ZRANB3: variants seen among roughly 807,000 people sequenced by gnomAD.
ZRANB3 encodes DNA annealing helicase and endonuclease ZRANB3.
ZRANB3 carries 125 observed loss-of-function variants against 133.8 expected under a neutral mutation model. The observed-to-expected ratio is 0.93, with a 90% CI of 0.81 to 1.08. ZRANB3 has a LOEUF of 1.08. Among genes scored for constraint, ZRANB3 ranks in the 50% least tolerant of loss-of-function variants. The pLI, the probability that ZRANB3 is intolerant of heterozygous loss-of-function variation, is 0.00. For missense variants in ZRANB3, 1,229 were observed against 1,275.5 expected, an observed-to-expected ratio of 0.96 and a Z score of 0.56; for synonymous variants, 387 against 432.7, an observed-to-expected ratio of 0.89 and a Z score of 1.31.
At position 135,407,130 on chromosome 2, in the gene ZRANB3, A is replaced by G. The variant is rs1175762823; in HGVS notation, c.162-16310T>C. ...ATAGGCAACTTCAGCAAAGTCTCAG[A>G]ATACAAAATCAATGTGCAAAAATCA... On this transcript the variant is annotated intron_variant, in intron 2 of 20. Transcript: ENST00000264159. 4.9e-4 allele frequency among the ~76,000 whole-genome samples: 74 copies of G among 152,154 alleles called. 1 individual carries two copies. Among genetic ancestry groups the G allele is most frequent in the Admixed American group, 1.3e-3 (20 of 15,276 alleles).
intron 8 of ZRANB3, among the ~76,000 whole-genome samples, chr2:135,295,576 C>T (rs980047777): frequency 2.0e-5 from 3 of 152,152 alleles, no homozygotes; most frequent in South Asian, 2.1e-4. Context: ...AGCCCATTTA[C>T]ATTTAAGGTT....
intron 6 of ZRANB3, among the ~76,000 whole-genome samples, chr2:135,342,303 G>A (rs1236253313): frequency 6.7e-6 from 1 of 150,040 alleles, no homozygotes; most frequent in Non-Finnish European, 1.5e-5. Flanking sequence ...CTCCCAAAGT[G>A]CTGGGATTAT....
chr2:135,475,400 T>C (rs1358989473), intron 2 of ZRANB3, among the ~76,000 whole-genome samples: 1 of 152,214 alleles, frequency 6.6e-6, no homozygotes, highest in African/African-American at 2.4e-5. Flanking sequence ...TTCATAAATA[T>C]GTAAATAACT....
chr2:135,382,773 T>TACAG (rs1686778362), intron 3 of ZRANB3, among the ~76,000 whole-genome samples: 1 of 152,134 alleles, frequency 6.6e-6, no homozygotes, highest in African/African-American at 2.4e-5. Flanking sequence ...TAAAATCCTT[T>TACAG]ACAGACAAGC....
chr2:135,461,358 T>G (rs1342501514), intron 2 of ZRANB3, among the ~76,000 whole-genome samples: 1 of 152,114 alleles, frequency 6.6e-6, no homozygotes, highest in Admixed American at 6.6e-5. Context: ...TCACCTGAGG[T>G]TGGGAGTTCA....
chr2:135,481,125 T>C (rs927442365), intron 2 of ZRANB3, among the ~76,000 whole-genome samples: 6 of 151,950 alleles, frequency 3.9e-5, no homozygotes, highest in East Asian at 1.9e-4. Context: ...TTTGGGTATA[T>C]ACCCAGTAAT....
intron 2 of ZRANB3, among the ~76,000 whole-genome samples, chr2:135,493,121 AT>A (rs1692473551): frequency 6.8e-4 from 5 of 7,344 alleles, no homozygotes; most frequent in African/African-American, 2.3e-3. Flanking sequence ...ATATATATAT[AT>A]ATATATATAT....
At chr2:135,429,629 T>A (rs1689233860) in intron 2 of ZRANB3, among the ~76,000 whole-genome samples, 1 of 149,500 alleles carries the variant, frequency 6.7e-6, no homozygotes, top group African/African-American at 2.5e-5. Context: ...GGAAGCAGAG[T>A]CAAAGAGAGG....
chr2:135,378,852 G>C (rs1686552063), intron 3 of ZRANB3, among the ~76,000 whole-genome samples: 1 of 152,122 alleles, frequency 6.6e-6, no homozygotes, highest in Admixed American at 6.6e-5. Flanking sequence ...AACTGTAAAG[G>C]TCTTCAAAAA....
chr2:135,369,191 G>C (rs530043386), intron 3 of ZRANB3, among the ~76,000 whole-genome samples: 57 of 151,192 alleles, frequency 3.8e-4, no homozygotes, highest in African/African-American at 1.2e-3. Flanking sequence ...TACATAGAAA[G>C]TATTTGAAAA....
At position 135,270,450 on chromosome 2, in the gene ZRANB3, A is replaced by G. The variant is rs1199745751; in HGVS notation, c.1207-1309T>C. Among the ~76,000 whole-genome samples the G allele has an allele frequency of 2.0e-5, 3 of 152,190 alleles. No homozygotes were observed. The East Asian group carries it at 5.8e-4, about 29-fold the overall frequency. On this transcript the variant is annotated intron_variant, in intron 10 of 20. Transcript: ENST00000264159. The stretch of plus-strand genomic sequence containing the variant: ...TGATTTATATAAGGTCTTCAGAAGC[A>G]CAGCCTTGAATAAAATGTAAGTGCC...
intron 8 of ZRANB3, among the ~76,000 whole-genome samples, chr2:135,297,378 G>T (rs142282895): frequency 6.6e-6 from 1 of 152,230 alleles, no homozygotes; most frequent in Non-Finnish European, 1.5e-5. Flanking sequence ...CTCCGAGACA[G>T]GTGCGGGATA....
chr2:135,219,320 C>A, intron 15 of ZRANB3, 142 bp from the exon 16 acceptor site: 1 of 577,792 alleles, frequency 1.7e-6, no homozygotes, highest in Non-Finnish European at 2.9e-6. Flanking sequence ...AGACAAGGGT[C>A]CACCAAAATG....
At chr2:135,247,379 A>C (rs1266545117) in intron 12 of ZRANB3, among the ~76,000 whole-genome samples, 1 of 152,176 alleles carries the variant, frequency 6.6e-6, no homozygotes, top group African/African-American at 2.4e-5. Flanking sequence ...AGATTTTCCA[A>C]AATGTTCATT....
At chr2:135,329,436 G>A (rs562282081) in intron 6 of ZRANB3, among the ~76,000 whole-genome samples, 23 of 152,312 alleles carry the variant, frequency 1.5e-4, no homozygotes, top group South Asian at 8.3e-4. Flanking sequence ...TTTGGTACCA[G>A]TACCATGCTG....
chr2:135,335,906 A>C (rs1365245976), intron 6 of ZRANB3, among the ~76,000 whole-genome samples: 2 of 152,248 alleles, frequency 1.3e-5, no homozygotes, highest in African/African-American at 4.8e-5. Context: ...GGAAAAAAAA[A>C]CAACATAAAA....
intron 1 of ZRANB3, among the ~76,000 whole-genome samples, chr2:135,529,051 G>A (rs532123285): frequency 6.6e-6 from 1 of 152,258 alleles, no homozygotes; most frequent in East Asian, 1.9e-4. Flanking sequence ...TTTGGACAAG[G>A]AGCCTGTCTT....
chr2:135,208,986 AATG>A lies in ZRANB3; in HGVS notation c.2496-11_2496-9del, dbSNP rs1573673128. 6.2e-7 allele frequency: 1 copy of A among 1,610,846 alleles called. No homozygotes were observed. The highest frequency in any genetic ancestry group is 8.5e-7 in the Non-Finnish European group (1 of 1,177,040). On this transcript the variant is annotated splice_polypyrimidine_tract_variant and intron_variant, in intron 17 of 20. Transcript: ENST00000264159. The stretch of plus-strand genomic sequence containing the variant: ...TCTTCTTTGGTTATGTATCTAAAAC[AATG>A]ATATGTTAAATAGATTCCCTCTATC...
At chr2:135,324,358 T>C (rs1683693255) in intron 6 of ZRANB3, among the ~76,000 whole-genome samples, 2 of 152,110 alleles carry the variant, frequency 1.3e-5, no homozygotes, top group Admixed American at 6.6e-5. Context: ...TGTGATACTT[T>C]GCTGAGAATG....
Sources: allele counts gnomAD v4.1 joint callset (sites outside exome capture counted in the v4.1 genomes callset), GRCh38; gene constraint gnomAD v4.1.1; transcripts MANE v1.5; gene names NCBI Gene and HGNC (gene_info 2026-07-23, HGNC 2026-07-21).